The following BACH1 variants were observed in gnomAD, a reference collection of about 807,000 sequenced individuals.
The protein encoded by BACH1 is BTB domain and CNC homolog 1.
Under a neutral mutation model 52.9 loss-of-function variants are expected in BACH1, and 35 were observed. That is an observed-to-expected ratio of 0.66 (90% CI 0.51 to 0.88). The LOEUF (loss-of-function observed/expected upper bound fraction) is 0.88, where lower values mean the gene tolerates loss of function less well. BACH1 is among the 40% of genes least tolerant of loss of function. BACH1 has a pLI of 0.00. For synonymous variants in BACH1, 321 were observed against 319.6 expected, an observed-to-expected ratio of 1.00 and a Z score of -0.05; for missense variants, 808 against 872.6, an observed-to-expected ratio of 0.93 and a Z score of 0.93.
intron 3 of BACH1, among the ~76,000 whole-genome samples, chr21:29,329,191 C>T (rs2088952362): frequency 6.6e-6 from 1 of 152,052 alleles, no homozygotes. Context: ...GCCAGTAGTC[C>T]CAGCTACTTA....
downstream of BACH1, among the ~76,000 whole-genome samples, chr21:29,346,592 G>T (rs181936606): frequency 3.4e-3 from 522 of 152,230 alleles, 6 homozygotes; most frequent in African/African-American, 0.012. Flanking sequence ...ACACTTGGCA[G>T]TTCCCAGAGA....
chr21:29,351,695 C>A (rs2089203298), intron 2 of BACH1: 1 of 534,456 alleles, frequency 1.9e-6, no homozygotes, highest in African/African-American at 1.9e-5. Context: ...ACTCTGGATA[C>A]CTGCTCAGAC....
At chr21:29,300,945 C>T (rs970509798) in intron 1 of BACH1, 14 of 152,274 alleles carry the variant, frequency 9.2e-5, no homozygotes, top group African/African-American at 2.6e-4. Context: ...TATATGACAC[C>T]ACTGCCTTTA....
chr21:29,320,187 C>T (rs2088831984), intron 1 of BACH1, among the ~76,000 whole-genome samples: 1 of 152,186 alleles, frequency 6.6e-6, no homozygotes, highest in Middle Eastern at 3.2e-3. Context: ...TCCCATGTGT[C>T]AGGAGAACAG....
chr21:29,328,905 G>A (rs2088948372), intron 3 of BACH1, among the ~76,000 whole-genome samples: 1 of 152,186 alleles, frequency 6.6e-6, no homozygotes, highest in South Asian at 2.1e-4. Flanking sequence ...AGGCTGAATG[G>A]TATTCCTTTG....
chr21:29,352,711 G>GTT (rs2089210248), intron 2 of BACH1: 2 of 149,712 alleles, frequency 1.3e-5, no homozygotes, highest in African/African-American at 2.5e-5. Context: ...TGTTGTTGTT[G>GTT]TTTTTGTTTT....
chr21:29,309,903 C>T (rs1007000951), intron 1 of BACH1, among the ~76,000 whole-genome samples: 2 of 152,160 alleles, frequency 1.3e-5, no homozygotes, highest in Non-Finnish European at 2.9e-5. Context: ...GTGGGAGCTA[C>T]CTACTTAGGC....
chr21:29,346,570 C>T (rs1355885166), downstream of BACH1, among the ~76,000 whole-genome samples: 3 of 152,054 alleles, frequency 2.0e-5, no homozygotes, highest in Admixed American at 1.3e-4. Context: ...GATGATTTTG[C>T]TTGCCTAGGG....
chr21:29,336,451 ACCTGTGTTGCTT>A lies in BACH1; in HGVS notation c.1777-5947_1777-5936del, dbSNP rs1196614989. 3.4e-3 allele frequency among the ~76,000 whole-genome samples: 523 copies of A among 152,058 alleles called. 7 individuals are homozygous for A. Among genetic ancestry groups the A allele is most frequent in the African/African-American group, 0.012 (489 of 41,482 alleles). ...CCATTTTCAAAGTAATATTTTTTCA[ACCTGTGTTGCTT>A]AGTTATCTATGATGTGTTACTTGGG... On this transcript the variant is annotated intron_variant, in intron 4 of 4. Coordinates refer to ENST00000286800, the MANE Select transcript of BACH1 (RefSeq NM_001186.4).
chr21:29,319,521 A>G (rs2088824721), intron 1 of BACH1, among the ~76,000 whole-genome samples: 1 of 151,596 alleles, frequency 6.6e-6, no homozygotes, highest in Non-Finnish European at 1.5e-5. Flanking sequence ...AGAACAGGAG[A>G]CAGGGACATA....
chr21:29,331,970 G>C (rs897756598), intron 4 of BACH1, among the ~76,000 whole-genome samples: 3 of 151,864 alleles, frequency 2.0e-5, no homozygotes, highest in Non-Finnish European at 4.4e-5. Context: ...GCATGATCTC[G>C]GCTCACTGCA....
intron 1 of BACH1, chr21:29,300,132 T>C (rs921045739): frequency 6.6e-6 from 1 of 152,230 alleles, no homozygotes; most frequent in East Asian, 1.9e-4. Context: ...TTGCCACTTC[T>C]GCCTTTGGAC....
downstream of BACH1, among the ~76,000 whole-genome samples, chr21:29,347,113 T>C (rs1214779210): frequency 6.6e-6 from 1 of 152,144 alleles, no homozygotes; most frequent in African/African-American, 2.4e-5. Flanking sequence ...AGGCCAAAAA[T>C]AGCACCCTTT....
chr21:29,349,026 G>A (rs1445007554), downstream of BACH1, among the ~76,000 whole-genome samples: 6 of 151,998 alleles, frequency 3.9e-5, no homozygotes, highest in African/African-American at 1.2e-4. Context: ...CCCAGGAGGC[G>A]GAGCTTGCAG....
chr21:29,331,408 G>A (rs149439479), intron 4 of BACH1, among the ~76,000 whole-genome samples: 3 of 152,222 alleles, frequency 2.0e-5, no homozygotes, highest in Admixed American at 1.3e-4. Context: ...AGTTTATTTC[G>A]TAACTTTATT....
In BACH1 at chr21:29,321,194, A is replaced by G. The variant is rs2088843098; in HGVS notation, c.-60-27A>G. 3 of 1,112,258 alleles carry G rather than the reference A, an allele frequency of 2.7e-6. No individual in the cohort carries two copies. The East Asian group carries it at 7.1e-5, about 27-fold the overall frequency. The allele number at this position is 1,112,258 out of a possible 1,614,324, so 68.9% of individuals were successfully genotyped here. A position where few individuals can be genotyped will look rare whatever the true frequency, so the allele number is the denominator to read the frequency against. ...TCATTTTTTAACAAGATGTTATTTA[A>G]GTGAAATCTTGCATGTGTGTTTGCA... On this transcript the variant is annotated intron_variant, in intron 1 of 4. Transcript: ENST00000286800.
intron 3 of BACH1, among the ~76,000 whole-genome samples, chr21:29,329,143 A>G (rs1209018888): frequency 6.6e-6 from 1 of 152,116 alleles, no homozygotes; most frequent in Non-Finnish European, 1.5e-5. Flanking sequence ...CCCCATCTCT[A>G]CAAAAAATAC....
intron 3 of BACH1, 91 bp from the exon 4 acceptor site, chr21:29,329,396 T>A: frequency 1.8e-6 from 2 of 1,095,636 alleles, no homozygotes; most frequent in Non-Finnish European, 2.5e-6. Context: ...ATAAGTTCTC[T>A]GAAAAACTTA....
At position 29,321,406 on chromosome 21, in the gene BACH1, A is replaced by G. The variant is rs1158746794; in HGVS notation, c.126A>G (p.Gly42=). ...VLCDVTIFVE[G]QRFRAHRSVL... The stretch of plus-strand genomic sequence containing the variant: ...GCGATGTCACCATCTTTGTGGAGGG[A>G]CAGCGGTTCCGCGCTCACCGGTCCG... Residue 42 remains glycine (G), a synonymous_variant, in exon 2 of 5, where the codon GGA becomes GGG. Transcript: ENST00000286800. 3 of 1,614,190 alleles carry G rather than the reference A, an allele frequency of 1.9e-6. No individual in the cohort carries two copies. Among genetic ancestry groups the G allele is most frequent in the Non-Finnish European group, 2.5e-6 (3 of 1,180,042 alleles).
Sources: allele counts gnomAD v4.1 joint callset (sites outside exome capture counted in the v4.1 genomes callset), GRCh38; gene constraint gnomAD v4.1.1; transcripts MANE v1.5; gene names NCBI Gene and HGNC (gene_info 2026-07-23, HGNC 2026-07-21).